CCDC7: variants seen among roughly 807,000 people sequenced by gnomAD.
CCDC7 encodes the protein coiled-coil domain containing 7.
In CCDC7, 183 loss-of-function variants were observed where a neutral mutation model predicts 196.9. The ratio of observed to expected loss-of-function variants is 0.93; its 90% confidence interval spans 0.82 to 1.05. The LOEUF (loss-of-function observed/expected upper bound fraction) is 1.05, where lower values mean the gene tolerates loss of function less well. Among genes scored for constraint, CCDC7 ranks in the 50% least tolerant of loss-of-function variants. The probability of loss-of-function intolerance (pLI) is 0.00; values close to 1 mark genes in which losing one functional copy is unlikely to be tolerated. For missense variants in CCDC7, 1,540 were observed against 1,482.2 expected, an observed-to-expected ratio of 1.04 and a Z score of -0.64; for synonymous variants, 525 against 484.6, an observed-to-expected ratio of 1.08 and a Z score of -1.10.
chr10:32,730,297 CTT>C (rs915578102), intron 28 of CCDC7, among the ~76,000 whole-genome samples: 1 of 152,076 alleles, frequency 6.6e-6, no homozygotes, highest in Non-Finnish European at 1.5e-5. Flanking sequence ...TTAATTATCT[CTT>C]ATAACCATAT....
intron 9 of CCDC7, among the ~76,000 whole-genome samples, chr10:32,516,965 A>T (rs2047119942): frequency 6.6e-6 from 1 of 152,242 alleles, no homozygotes; most frequent in African/African-American, 2.4e-5. Flanking sequence ...CATATAATGG[A>T]ATGTTATTTG....
chr10:32,849,635 G>A (rs2093460094), intron 39 of CCDC7, among the ~76,000 whole-genome samples: 1 of 150,034 alleles, frequency 6.7e-6, no homozygotes, highest in South Asian at 2.1e-4. Context: ...TCCAGGAGGT[G>A]GAGGTTGCAG....
At chr10:32,711,574 T>A (rs1285668961) in intron 24 of CCDC7, 46 bp from the exon 26 acceptor site, 2 of 1,144,616 alleles carry the variant, frequency 1.7e-6, no homozygotes, top group African/African-American at 3.2e-5. Flanking sequence ...GATTTCATAG[T>A]AGATTTGTTT....
intron 11 of CCDC7, among the ~76,000 whole-genome samples, chr10:32,524,085 T>TTG (rs2048304127): frequency 1.3e-5 from 2 of 148,884 alleles, no homozygotes; most frequent in African/African-American, 5.0e-5. Context: ...TTTTTTTTTT[T>TTG]AGTGAAGGTG....
chr10:32,528,648 GTGTA>G (rs2049048396), intron 11 of CCDC7, among the ~76,000 whole-genome samples: 1 of 94,162 alleles, frequency 1.1e-5, no homozygotes. Flanking sequence ...GTGTGTGTGT[GTGTA>G]TATATATATA....
At chr10:32,620,871 G>A (rs570592909) in intron 18 of CCDC7, among the ~76,000 whole-genome samples, 10 of 152,244 alleles carry the variant, frequency 6.6e-5, no homozygotes, top group Admixed American at 5.9e-4. Context: ...ATTCCTTCAC[G>A]ATTGTAAATA....
chr10:32,457,875 T>G (rs924770526), intron 3 of CCDC7, among the ~76,000 whole-genome samples: 5 of 143,870 alleles, frequency 3.5e-5, no homozygotes, highest in African/African-American at 1.5e-4. Context: ...TAAAATCAGT[T>G]TTTTTTTGCC....
At chr10:32,665,520 T>G (rs1436669617) in intron 21 of CCDC7, among the ~76,000 whole-genome samples, 1 of 152,102 alleles carries the variant, frequency 6.6e-6, no homozygotes, top group Non-Finnish European at 1.5e-5. Flanking sequence ...TTTATTCTTC[T>G]GCATGTGGAT....
intron 18 of CCDC7, among the ~76,000 whole-genome samples, chr10:32,599,240 T>C (rs1432027873): frequency 6.6e-6 from 1 of 152,194 alleles, no homozygotes; most frequent in Non-Finnish European, 1.5e-5. Context: ...ATTTTTTTTG[T>C]TATTTTTTGT....
At position 32,803,497 on chromosome 10, in the gene CCDC7, C is replaced by T. The variant is rs553775465; in HGVS notation, c.3014-1518C>T. On this transcript the variant is annotated intron_variant, in intron 29 of 41. Transcript: ENST00000639629. Reference sequence around the variant, plus strand: ...GATTTCTATATCATTATATACTAATCTTTTTGTCTCTTTTTTAAAATTTAA... The same window carrying T: ...GATTTCTATATCATTATATACTAATTTTTTTGTCTCTTTTTTAAAATTTAA... Among the ~76,000 whole-genome samples, 10 of 151,930 alleles carry T rather than the reference C, an allele frequency of 6.6e-5. No individual in the cohort carries two copies. In the East Asian group the frequency reaches 1.9e-3, roughly 29 times the overall value.
chr10:32,787,840 C>G (rs933556296), intron 29 of CCDC7, among the ~76,000 whole-genome samples: 3 of 152,078 alleles, frequency 2.0e-5, no homozygotes, highest in African/African-American at 7.2e-5. Context: ...CAGGCTCGCC[C>G]CTATTCCAGG....
At chr10:32,778,408 G>A (rs542586036) in intron 28 of CCDC7, among the ~76,000 whole-genome samples, 1 of 152,240 alleles carries the variant, frequency 6.6e-6, no homozygotes, top group South Asian at 2.1e-4. Context: ...CATATGGCTT[G>A]CCAGCTATCC....
chr10:32,617,864 G>A (rs2062949686), intron 18 of CCDC7, among the ~76,000 whole-genome samples: 1 of 151,914 alleles, frequency 6.6e-6, no homozygotes, highest in Non-Finnish European at 1.5e-5. Flanking sequence ...TCTGTCTAGT[G>A]CTATGACTGT....
chr10:32,574,657 G>A (rs1390897857), intron 16 of CCDC7: 5 of 375,162 alleles, frequency 1.3e-5, no homozygotes, highest in Non-Finnish European at 1.7e-5. Flanking sequence ...CACATCATGT[G>A]CGTTGTTAGC....
chr10:32,495,030 G>A (rs889159702), intron 9 of CCDC7, among the ~76,000 whole-genome samples: 7 of 152,114 alleles, frequency 4.6e-5, no homozygotes, highest in African/African-American at 7.2e-5. Context: ...AAGTGTTCCT[G>A]TTTCTCCACA....
Position 32,587,116 on chromosome 10 carries a change from G to A in CCDC7, c.1801+2812G>A, listed in dbSNP as rs562522636. 1.3e-4 allele frequency among the ~76,000 whole-genome samples: 20 copies of A among 152,200 alleles called. No individual in the cohort carries two copies. The South Asian group carries it at 2.5e-3, about 19-fold the overall frequency. The stretch of plus-strand genomic sequence containing the variant: ...ATCTTTAAGTATACAATTCAGTGGC[G>A]TTAATTACATTCACAGTGTTGTGCA... On this transcript the variant is annotated intron_variant, in intron 18 of 41. Coordinates refer to ENST00000639629, the Ensembl canonical transcript of CCDC7.
intron 13 of CCDC7, among the ~76,000 whole-genome samples, chr10:32,546,885 C>G (rs959987245): frequency 6.6e-6 from 1 of 152,180 alleles, no homozygotes; most frequent in South Asian, 2.1e-4. Context: ...ACTTCAGTTC[C>G]TTGCAGTTTA....
At chr10:32,714,483 C>T (rs2081295413) in intron 25 of CCDC7, among the ~76,000 whole-genome samples, 1 of 152,174 alleles carries the variant, frequency 6.6e-6, no homozygotes, top group Non-Finnish European at 1.5e-5. Flanking sequence ...GCTGTTTGGG[C>T]AGACACCAAG....
chr10:32,548,148 A>G (rs1564615173), intron 13 of CCDC7, among the ~76,000 whole-genome samples: 1 of 152,208 alleles, frequency 6.6e-6, no homozygotes, highest in Non-Finnish European at 1.5e-5. Context: ...GAGCAATGGC[A>G]GGAGCACACC....
Sources: allele counts gnomAD v4.1 joint callset (sites outside exome capture counted in the v4.1 genomes callset), GRCh38; gene constraint gnomAD v4.1.1; transcripts MANE v1.5; gene names NCBI Gene and HGNC (gene_info 2026-07-23, HGNC 2026-07-21).